The following NFATC2 variants were observed in gnomAD, a reference collection of about 807,000 sequenced individuals.
The protein encoded by NFATC2 is nuclear factor of activated T cells 2, also known as nuclear factor of activated T-cells, cytoplasmic 2.
NFATC2 carries 22 observed loss-of-function variants against 87.3 expected under a neutral mutation model. That is an observed-to-expected ratio of 0.25 (90% confidence interval 0.18 to 0.36). The LOEUF (loss-of-function observed/expected upper bound fraction) is 0.36, where lower values mean the gene tolerates loss of function less well. NFATC2 is among the 10% of genes least tolerant of loss of function. The pLI is 1.00. For missense variants in NFATC2, 1,149 were observed against 1,259.1 expected, an observed-to-expected ratio of 0.91 and a Z score of 1.32; for synonymous variants, 565 against 542.2, an observed-to-expected ratio of 1.04 and a Z score of -0.58.
chr20:51,538,155 T>C (rs2076750312), intron 1 of NFATC2, among the ~76,000 whole-genome samples: 1 of 152,124 alleles, frequency 6.6e-6, no homozygotes, highest in Non-Finnish European at 1.5e-5. Context: ...AATAGGCCAA[T>C]ATGAATATCA....
chr20:51,465,397 G>A (rs1355318753), intron 5 of NFATC2, among the ~76,000 whole-genome samples: 1 of 152,012 alleles, frequency 6.6e-6, no homozygotes, highest in Non-Finnish European at 1.5e-5. Flanking sequence ...TATATATATA[G>A]AAATCACATC....
At chr20:51,473,944 T>C in intron 5 of NFATC2, 36 bp downstream of exon 5, 2 of 1,604,658 alleles carry the variant, frequency 1.2e-6, no homozygotes, top group Non-Finnish European at 1.7e-6. Context: ...GCCCTACGCT[T>C]TCTGAAGAAA....
chr20:51,490,971 A>G (rs1478071414), intron 3 of NFATC2, among the ~76,000 whole-genome samples: 1 of 152,180 alleles, frequency 6.6e-6, no homozygotes, highest in East Asian at 1.9e-4. Flanking sequence ...CAAAGCCAGT[A>G]GATCATCAAG....
chr20:51,517,587 T>C (rs2076372608), intron 2 of NFATC2, among the ~76,000 whole-genome samples: 1 of 149,522 alleles, frequency 6.7e-6, no homozygotes, highest in African/African-American at 2.5e-5. Flanking sequence ...AGTGAGACCC[T>C]GTCTCAAAAA....
At chr20:51,547,753 G>T (rs1457110049) in intron 1 of NFATC2, among the ~76,000 whole-genome samples, 1 of 152,166 alleles carries the variant, frequency 6.6e-6, no homozygotes, top group East Asian at 1.9e-4. Flanking sequence ...ACACCAAAGA[G>T]TGGTTCTTGA....
chr20:51,544,484 G>C (rs2076873173), upstream of NFATC2, among the ~76,000 whole-genome samples: 1 of 152,150 alleles, frequency 6.6e-6, no homozygotes, highest in African/African-American at 2.4e-5. Context: ...AAGGGGATTT[G>C]TGCCAAGCCA....
At chr20:51,529,456 T>C (rs1449552957) in intron 1 of NFATC2, among the ~76,000 whole-genome samples, 2 of 152,304 alleles carry the variant, frequency 1.3e-5, no homozygotes, top group Admixed American at 1.3e-4. Context: ...CCCCTGGGTA[T>C]TTGACAGTAA....
intron 1 of NFATC2, among the ~76,000 whole-genome samples, chr20:51,534,757 T>C (rs1186073431): frequency 1.3e-5 from 2 of 152,236 alleles, no homozygotes; most frequent in African/African-American, 4.8e-5. Flanking sequence ...GAGGGTTCTC[T>C]GTGGCCCCCC....
In NFATC2 at chr20:51,552,811, T is replaced by G. The variant is rs531464188; in HGVS notation, c.70+9749A>C. On this transcript the variant is annotated intron_variant, in intron 1 of 10. Transcript: ENST00000414705. ...TTTAATCTGAACTAATATTTTTATT[T>G]TTTTTAATTATATATTAAGTTCTGG... is the stretch of plus-strand genomic sequence containing the variant. 6.6e-5 allele frequency among the ~76,000 whole-genome samples: 10 copies of G among 152,288 alleles called. No homozygotes were observed. In the South Asian group the frequency reaches 2.1e-3, roughly 32 times the overall value.
intron 1 of NFATC2, among the ~76,000 whole-genome samples, chr20:51,551,863 T>C (rs141695399): frequency 0.018 from 2,710 of 150,814 alleles, 96 homozygotes; most frequent in African/African-American, 0.063. Flanking sequence ...CAATCTCTAC[T>C]AAAAATACAA....
intron 8 of NFATC2, among the ~76,000 whole-genome samples, chr20:51,434,513 C>T (rs529427546): frequency 2.8e-4 from 43 of 152,286 alleles, no homozygotes; most frequent in Non-Finnish European, 4.1e-4. Context: ...CAGCCCCAAT[C>T]GTAATCCAAC....
intron 6 of NFATC2, among the ~76,000 whole-genome samples, chr20:51,442,703 GTTTGTT>G (rs1984517167): frequency 9.3e-6 from 1 of 106,970 alleles, no homozygotes; most frequent in African/African-American, 3.5e-5. Flanking sequence ...TTTAAATAAA[GTTTGTT>G]TTTTTTTTTT....
chr20:51,405,298 G>A (rs543577292), intron 9 of NFATC2, among the ~76,000 whole-genome samples: 8 of 152,176 alleles, frequency 5.3e-5, no homozygotes, highest in South Asian at 2.1e-4. Flanking sequence ...CACATGCAAC[G>A]CGAGGCCAAC....
At chr20:51,544,218 A>C (rs1601003648), upstream of NFATC2, among the ~76,000 whole-genome samples, 1 of 151,718 alleles carries the variant, frequency 6.6e-6, no homozygotes, top group Non-Finnish European at 1.5e-5. Context: ...TGATCTCCTG[A>C]CCTCGTGATC....
intron 1 of NFATC2, among the ~76,000 whole-genome samples, chr20:51,540,332 T>TA (rs1449204992): frequency 3.9e-5 from 6 of 152,190 alleles, no homozygotes; most frequent in African/African-American, 7.2e-5. Context: ...ATACTCTTGA[T>TA]ACGATGTGAT....
chr20:51,542,751 G>C (rs1342451138), upstream of NFATC2: 64 of 614,696 alleles, frequency 1.0e-4, 2 homozygotes, highest in East Asian at 1.4e-4. Context: ...CGGGGAGGCG[G>C]GGGGGGGGGG....
intron 5 of NFATC2, among the ~76,000 whole-genome samples, chr20:51,471,144 G>A (rs376846208): frequency 6.6e-6 from 1 of 152,182 alleles, no homozygotes; most frequent in Non-Finnish European, 1.5e-5. Flanking sequence ...CTTGCTGGAG[G>A]TACATGTGGT....
chr20:51,409,170 G>C (rs1342543907), intron 9 of NFATC2, among the ~76,000 whole-genome samples: 2 of 152,174 alleles, frequency 1.3e-5, no homozygotes, highest in East Asian at 1.9e-4. Flanking sequence ...AGACAATTTG[G>C]TATCGTCTAC....
chr20:51,431,602 T>G (rs2146336775), intron 9 of NFATC2, among the ~76,000 whole-genome samples: 2 of 152,274 alleles, frequency 1.3e-5, no homozygotes, highest in Middle Eastern at 6.8e-3. Context: ...TCAATGAGCT[T>G]TCTTCTTCCT....
Sources: gnomAD v4.1 joint callset for allele counts (sites outside exome capture counted in the v4.1 genomes callset) on GRCh38, gnomAD v4.1.1 for gene constraint, MANE v1.5 for transcripts, NCBI Gene and HGNC (gene_info 2026-07-23, HGNC 2026-07-21) for gene names.